Variants in MTUS2 observed in about 807,000 individuals in gnomAD.
MTUS2 encodes microtubule associated scaffold protein 2.
In MTUS2, 40 loss-of-function variants were observed where a neutral mutation model predicts 114.1. The observed-to-expected ratio is 0.35, with a 90% CI of 0.27 to 0.46. The LOEUF is 0.46. MTUS2 is among the 20% of genes least tolerant of loss of function. MTUS2 has a pLI of 1.00. For synonymous variants in MTUS2, 688 were observed against 672.0 expected, an observed-to-expected ratio of 1.02 and a Z score of -0.37; for missense variants, 1,679 against 1,705.4, an observed-to-expected ratio of 0.98 and a Z score of 0.27.
intron 5 of MTUS2, among the ~76,000 whole-genome samples, chr13:29,248,255 G>A (rs1385585747): frequency 6.6e-6 from 1 of 151,804 alleles, no homozygotes; most frequent in African/African-American, 2.4e-5. Flanking sequence ...GGAAGGGTGG[G>A]AGGGGGGTCA....
In MTUS2 at chr13:29,208,621, A is replaced by G. The variant is rs1895294352; in HGVS notation, c.2645-73083A>G. Among the ~76,000 whole-genome samples, 5 of 152,158 alleles carry G rather than the reference A, an allele frequency of 3.3e-5. No homozygotes were observed. The South Asian group carries it at 1.0e-3, about 32-fold the overall frequency. On this transcript the variant is annotated intron_variant, in intron 5 of 15. Coordinates refer to ENST00000612955, the MANE Select transcript of MTUS2 (RefSeq NM_001033602.4). ...TTTGTTGTATCCGAAAGGTTTTAAT[A>G]GGTCGTATCACTATAATCATTTGGT...
intron 5 of MTUS2, among the ~76,000 whole-genome samples, chr13:29,173,011 C>T (rs1024817597): frequency 1.3e-5 from 2 of 151,940 alleles, no homozygotes; most frequent in Admixed American, 1.3e-4. Context: ...TCTCGTGTAC[C>T]TAGTATGTGC....
intron 5 of MTUS2, among the ~76,000 whole-genome samples, chr13:29,207,817 C>G (rs1895254642): frequency 6.6e-6 from 1 of 151,954 alleles, no homozygotes; most frequent in Non-Finnish European, 1.5e-5. Context: ...CTGTTGGATT[C>G]CATTAGCTAG....
chr13:29,052,819 C>T (rs1887965087), intron 4 of MTUS2, among the ~76,000 whole-genome samples: 1 of 152,094 alleles, frequency 6.6e-6, no homozygotes, highest in Non-Finnish European at 1.5e-5. Flanking sequence ...ATTGTAGTTC[C>T]CATAATCCCC....
At chr13:29,004,859 A>G (rs1885537230) in intron 2 of MTUS2, among the ~76,000 whole-genome samples, 1 of 152,236 alleles carries the variant, frequency 6.6e-6, no homozygotes, top group Non-Finnish European at 1.5e-5. Flanking sequence ...ACAAGCCTAT[A>G]GCAAATAGTT....
At position 29,110,331 on chromosome 13, in the gene MTUS2, C is replaced by T. The variant is rs148955572; in HGVS notation, c.2644+9361C>T. Among the ~76,000 whole-genome samples the T allele has an allele frequency of 3.9e-5, 6 of 152,344 alleles. No homozygotes were observed. The East Asian group carries it at 1.2e-3, about 29-fold the overall frequency. On this transcript the variant is annotated intron_variant, in intron 5 of 15. Transcript: ENST00000612955. ...ACTTAAAGGGCTTTGCACAGCTTCT[C>T]ATTTTGCTAGAGCCTAATTTCCATT... is the stretch of plus-strand genomic sequence containing the variant.
At chr13:28,875,570 A>G (rs1036253309) in intron 2 of MTUS2, among the ~76,000 whole-genome samples, 8 of 152,220 alleles carry the variant, frequency 5.3e-5, no homozygotes, top group Non-Finnish European at 7.3e-5. Flanking sequence ...TGGAAGGGAA[A>G]AAACAGCCCA....
At chr13:28,860,447 G>T (rs1158161442) in intron 2 of MTUS2, among the ~76,000 whole-genome samples, 3 of 152,162 alleles carry the variant, frequency 2.0e-5, no homozygotes, top group Non-Finnish European at 4.4e-5. Context: ...CTAGGTCTTG[G>T]CTTTTTCAGA....
chr13:29,339,396 G>A (rs185611569), intron 7 of MTUS2, among the ~76,000 whole-genome samples: 4 of 152,162 alleles, frequency 2.6e-5, no homozygotes, highest in Non-Finnish European at 4.4e-5. Context: ...TGCTTGCTAC[G>A]CTTGGTGTCT....
At chr13:29,314,203 G>C (rs749195906) in intron 6 of MTUS2, among the ~76,000 whole-genome samples, 1 of 152,164 alleles carries the variant, frequency 6.6e-6, no homozygotes. Context: ...GAATGAAATG[G>C]AGAATTGAGG....
At chr13:29,178,037 A>G (rs997743823) in intron 5 of MTUS2, among the ~76,000 whole-genome samples, 1 of 152,154 alleles carries the variant, frequency 6.6e-6, no homozygotes, top group Non-Finnish European at 1.5e-5. Flanking sequence ...CTAGAGCTGC[A>G]TTGTTGTCTG....
chr13:29,475,585 C>T (rs1435580852), intron 9 of MTUS2, among the ~76,000 whole-genome samples: 5 of 151,976 alleles, frequency 3.3e-5, no homozygotes, highest in African/African-American at 4.8e-5. Flanking sequence ...TATTGATGGT[C>T]CTGAGCCTGT....
intron 1 of MTUS2, among the ~76,000 whole-genome samples, chr13:28,828,968 A>T (rs992499297): frequency 6.6e-6 from 1 of 152,202 alleles, no homozygotes; most frequent in African/African-American, 2.4e-5. Flanking sequence ...TTGCATTAAT[A>T]TATTATTTAT....
intron 4 of MTUS2, among the ~76,000 whole-genome samples, chr13:29,035,249 A>G (rs963705125): frequency 2.6e-5 from 4 of 152,212 alleles, no homozygotes; most frequent in Non-Finnish European, 2.9e-5. Flanking sequence ...GTATGTTCCC[A>G]TGGTTGATCA....
chr13:29,473,426 T>C (rs996163631), intron 9 of MTUS2, among the ~76,000 whole-genome samples: 1 of 152,212 alleles, frequency 6.6e-6, no homozygotes, highest in African/African-American at 2.4e-5. Context: ...AGTGTTCTCC[T>C]ACTCAATTTA....
At chr13:28,873,827 G>C (rs1402340676) in intron 2 of MTUS2, among the ~76,000 whole-genome samples, 1 of 152,094 alleles carries the variant, frequency 6.6e-6, no homozygotes, top group African/African-American at 2.4e-5. Context: ...ATTACAAAGA[G>C]GCTTTTGGGA....
In MTUS2 at chr13:29,094,415, T is replaced by G. The variant is rs1433007426; in HGVS notation, c.2447-6358T>G. Among the ~76,000 whole-genome samples the G allele has an allele frequency of 2.6e-5, 4 of 152,160 alleles. No individual in the cohort carries two copies. The South Asian group carries it at 6.2e-4, about 24-fold the overall frequency. ...GTTTCTATTTCTTCTTGATTCAGCT[T>G]TTATAGTTTGTATTTCTGTGGAATT... is the stretch of plus-strand genomic sequence containing the variant. On this transcript the variant is annotated intron_variant, in intron 4 of 15. Transcript: ENST00000612955.
upstream of MTUS2, chr13:28,820,298 G>GCGCGGAGCGGAGCGCAGC (rs1455006613): frequency 1.3e-5 from 2 of 148,696 alleles, no homozygotes; most frequent in South Asian, 2.0e-4. Flanking sequence ...GAGTGCGGGG[G>GCGCGGAGCGGAGCGCAGC]CGCGGAGCGG....
At chr13:28,848,151 A>G (rs1380702898) in intron 2 of MTUS2, among the ~76,000 whole-genome samples, 1 of 152,246 alleles carries the variant, frequency 6.6e-6, no homozygotes, top group Non-Finnish European at 1.5e-5. Context: ...TCACTGTGCC[A>G]GATGCTGAGA....
Sources: gnomAD v4.1 joint callset for allele counts (sites outside exome capture counted in the v4.1 genomes callset) on GRCh38, gnomAD v4.1.1 for gene constraint, MANE v1.5 for transcripts, NCBI Gene and HGNC (gene_info 2026-07-23, HGNC 2026-07-21) for gene names.